The following XAF1 variants were observed in gnomAD, a reference collection of about 807,000 sequenced individuals.
XAF1 encodes XIAP associated factor 1, also known as XIAP-associated factor 1.
XAF1 carries 32 observed loss-of-function variants against 32.3 expected under a neutral mutation model. The observed-to-expected ratio is 0.99, with a 90% CI of 0.75 to 1.33. XAF1 has a LOEUF of 1.33. Ranked by LOEUF, XAF1 falls within the 40% of genes most tolerant of loss-of-function variation. The probability of loss-of-function intolerance (pLI) is 0.00; values close to 1 mark genes in which losing one functional copy is unlikely to be tolerated. For missense variants in XAF1, 379 were observed against 366.0 expected, an observed-to-expected ratio of 1.04 and a Z score of -0.29; for synonymous variants, 120 against 125.9, an observed-to-expected ratio of 0.95 and a Z score of 0.31.
intron 5 of XAF1, among the ~76,000 whole-genome samples, chr17:6,767,140 G>C (rs1975681302): frequency 6.6e-6 from 1 of 152,144 alleles, no homozygotes; most frequent in Non-Finnish European, 1.5e-5. Context: ...CTGTATACAT[G>C]TATTAGAAAA....
intron 6 of XAF1, chr17:6,772,818 C>T: frequency 3.5e-6 from 1 of 281,830 alleles, no homozygotes; most frequent in Non-Finnish European, 6.6e-6. Context: ...CAAGGAAATC[C>T]CTACAAACAA....
At chr17:6,756,582 G>T (rs1974686541) in intron 1 of XAF1, among the ~76,000 whole-genome samples, 1 of 151,924 alleles carries the variant, frequency 6.6e-6, no homozygotes, top group African/African-American at 2.4e-5. Flanking sequence ...TCTAACGGGA[G>T]GGGGGGCGCG....
At chr17:6,769,898 T>G (rs1055823068) in intron 5 of XAF1, among the ~76,000 whole-genome samples, 26 of 152,208 alleles carry the variant, frequency 1.7e-4, no homozygotes, top group South Asian at 6.2e-4. Context: ...AAAGAAAAGC[T>G]TCCTTGCCAC....
intron 2 of XAF1, chr17:6,758,741 G>A (rs1218595398): frequency 7.8e-6 from 2 of 254,912 alleles, no homozygotes; most frequent in Non-Finnish European, 1.5e-5. Context: ...CTGAGAGTTG[G>A]GGGACGAGGG....
chr17:6,771,960 C>T (rs902032312), intron 6 of XAF1: 4 of 152,208 alleles, frequency 2.6e-5, no homozygotes, highest in African/African-American at 9.7e-5. Context: ...TTTTTCCACA[C>T]ATATTATCTT....
rs1243233688 is a variant in XAF1 at position 6,766,795 on chromosome 17, G to A, written c.508-3848G>A. Among the ~76,000 whole-genome samples the A allele has an allele frequency of 2.6e-5, 4 of 152,130 alleles. No homozygotes were observed. In the East Asian group the frequency reaches 7.7e-4, roughly 29 times the overall value. On this transcript the variant is annotated intron_variant, in intron 5 of 6. Coordinates refer to ENST00000361842, the MANE Select transcript of XAF1 (RefSeq NM_017523.5). ...CTACCAGATCTGAAAATTCCCCTGAGTACAACTACACACATCAGATAGTCT... is the reference window on the plus strand; with the variant it reads ...CTACCAGATCTGAAAATTCCCCTGAATACAACTACACACATCAGATAGTCT...
At chr17:6,759,128 C>T (rs1363498792) in intron 2 of XAF1, 2 of 1,016,882 alleles carry the variant, frequency 2.0e-6, no homozygotes, top group Non-Finnish European at 2.4e-6. Context: ...CAGAGACTCA[C>T]TTGAGGGCCA....
intron 5 of XAF1, among the ~76,000 whole-genome samples, chr17:6,770,417 G>A (rs1465071024): frequency 6.6e-6 from 1 of 152,144 alleles, no homozygotes; most frequent in East Asian, 1.9e-4. Flanking sequence ...CTGAATTTTG[G>A]AGGAGACACA....
intron 4 of XAF1, chr17:6,761,835 C>A: frequency 7.3e-7 from 1 of 1,368,460 alleles, no homozygotes; most frequent in Non-Finnish European, 9.6e-7. Flanking sequence ...AGAGCACAGT[C>A]AGAATGGAGG....
chr17:6,756,836 C>T (rs1974714128), intron 1 of XAF1, among the ~76,000 whole-genome samples: 2 of 152,132 alleles, frequency 1.3e-5, no homozygotes, highest in Non-Finnish European at 2.9e-5. Context: ...CTTTGACAGT[C>T]CCTCTCGGAG....
At position 6,759,691 on chromosome 17, in the gene XAF1, G is replaced by T; in HGVS notation, c.198G>T (p.Met66Ile). The T allele has an allele frequency of 1.2e-6, 2 of 1,613,920 alleles. No individual in the cohort carries two copies. The highest frequency in any genetic ancestry group is 1.7e-6 in the Non-Finnish European group (2 of 1,180,028). Residue 66 changes from methionine (M) to isoleucine (I), a missense_variant, in exon 3 of 7, where the codon ATG (methionine) becomes ATT (isoleucine). Physicochemically the swap from Met to Ile is conservative, Grantham distance 10 (BLOSUM62 1). Transcript: ENST00000361842. Reference protein sequence around the residue: ...QVGCTMCQQSMQKSSLEFHKA... With the variant: ...QVGCTMCQQSIQKSSLEFHKA... Reference sequence around the variant, plus strand: ...GGTGTACGATGTGTCAGCAGAGCATGCAGAAGTCCTCGCTGGAGTTTCATA... The same window carrying T: ...GGTGTACGATGTGTCAGCAGAGCATTCAGAAGTCCTCGCTGGAGTTTCATA...
intron 5 of XAF1, among the ~76,000 whole-genome samples, chr17:6,767,856 A>G (rs1218711670): frequency 6.6e-6 from 1 of 152,108 alleles, no homozygotes; most frequent in Admixed American, 6.5e-5. Flanking sequence ...ATTTATTTCT[A>G]TCATTTCAAT....
In XAF1 at chr17:6,775,433, G is replaced by A. The variant is rs1976357672; in HGVS notation, c.*2264G>A. The A allele has an allele frequency of 1.3e-5, 2 of 151,940 alleles. No individual in the cohort carries two copies. The highest frequency in any genetic ancestry group is 4.8e-5 in the African/African-American group (2 of 41,276). 9.4% of individuals were successfully genotyped at this position (151,940 alleles called of 1,614,324 possible). A position where few individuals can be genotyped will look rare whatever the true frequency, so the allele number is the denominator to read the frequency against. On this transcript the variant is annotated 3_prime_UTR_variant, in exon 7 of 7. Coordinates refer to ENST00000361842, the MANE Select transcript of XAF1 (RefSeq NM_017523.5). ...ATGTGCCCCTGAACCTAAAAAAAAAGTTAAAAGAAAAACGTTTGGATTATT... is the reference window on the plus strand; with the variant it reads ...ATGTGCCCCTGAACCTAAAAAAAAAATTAAAAGAAAAACGTTTGGATTATT...
chr17:6,767,991 T>C (rs1975741869), intron 5 of XAF1, among the ~76,000 whole-genome samples: 1 of 152,238 alleles, frequency 6.6e-6, no homozygotes. Context: ...CTATCTTACA[T>C]GAAAATGCTG....
chr17:6,756,084 AG>A lies in XAF1; in HGVS notation c.8del (p.Gly3GlufsTer13). On this transcript the variant is annotated frameshift_variant, in exon 1 of 7. Transcript: ENST00000361842. LOFTEE classifies it high-confidence loss of function. ...AAGCCTGCAGAGAGCAGAACATGGA[AG>A]GAGACTTCTCGGTGTGCAGGAACTG... is the stretch of plus-strand genomic sequence containing the variant. The part of the protein sequence containing the change: ME[G>X]DFSVCRNCKR... 1 of 1,614,046 alleles carries A rather than the reference AG, an allele frequency of 6.2e-7. No individual in the cohort carries two copies. Among genetic ancestry groups the A allele is most frequent in the East Asian group, 2.2e-5 (1 of 44,870 alleles).
At chr17:6,763,841 CG>C in intron 5 of XAF1, among the ~76,000 whole-genome samples, 1 of 152,192 alleles carries the variant, frequency 6.6e-6, no homozygotes, top group East Asian at 1.9e-4. Context: ...GCCCCAGCCA[CG>C]GGATTCTCAG....
chr17:6,764,235 G>A (rs75309466), intron 5 of XAF1, among the ~76,000 whole-genome samples: 1,707 of 152,276 alleles, frequency 0.011, 16 homozygotes, highest in Non-Finnish European at 0.016. Context: ...GCCAACACCA[G>A]ATCTATCTCC....
Position 6,762,169 on chromosome 17 carries a change from G to T in XAF1, c.436G>T (p.Ala146Ser). ...AQLGKGERISAPEREIYCHYC... is the reference protein window; with the variant it reads ...AQLGKGERISSPEREIYCHYC... ...TGCTTATTCAGGGGAAAGAATTTCA[G>T]CTCCTGAAAGGGAAATCTACTGTCA... Residue 146 changes from alanine (A) to serine (S), a missense_variant, in exon 5 of 7, where the codon GCT (alanine) becomes TCT (serine). Physicochemically the swap from Ala to Ser is moderately conservative, Grantham distance 99. Transcript: ENST00000361842. 6.2e-7 allele frequency: 1 copy of T among 1,613,388 alleles called. No homozygotes were observed. The highest frequency in any genetic ancestry group is 1.1e-5 in the South Asian group (1 of 90,900).
chr17:6,762,252 T>C lies in XAF1; in HGVS notation c.507+12T>C, dbSNP rs372506089. On this transcript the variant is annotated intron_variant, in intron 5 of 6. Transcript: ENST00000361842. ...ATTTCCACCATATGGTGAGTAGCAC[T>C]TAGTAATTTTCTAATGGTGCCAATA... 32 of 1,590,174 alleles carry C rather than the reference T, an allele frequency of 2.0e-5. No individual in the cohort carries two copies. In the African/African-American group the frequency reaches 4.0e-4, roughly 20 times the overall value.
Sources: allele counts gnomAD v4.1 joint callset (sites outside exome capture counted in the v4.1 genomes callset), GRCh38; gene constraint gnomAD v4.1.1; transcripts MANE v1.5; gene names NCBI Gene and HGNC (gene_info 2026-07-23, HGNC 2026-07-21).